The following LINGO2 variants were observed in gnomAD, a reference collection of about 807,000 sequenced individuals.
LINGO2 encodes the protein leucine rich repeat and Ig domain containing 2.
Under a neutral mutation model 30.6 loss-of-function variants are expected in LINGO2, and 14 were observed. That is an observed-to-expected ratio of 0.46 (90% CI 0.30 to 0.72). The LOEUF (loss-of-function observed/expected upper bound fraction) is 0.72. Among genes scored for constraint, LINGO2 ranks in the 30% least tolerant of loss-of-function variants. The probability of loss-of-function intolerance (pLI) is 0.07; values close to 1 mark genes in which losing one functional copy is unlikely to be tolerated. For missense variants in LINGO2, 729 were observed against 751.7 expected (o/e 0.97, Z 0.35); for synonymous variants, 317 against 288.5 (o/e 1.10, Z -1.00).
At chr9:28,747,159 A>C in the LINGO2 span, among the ~76,000 whole-genome samples, 9 of 151,882 alleles carry the variant, frequency 5.9e-5, no homozygotes, top group Admixed American at 5.9e-4. Flanking sequence ...AGGATCCAGA[A>C]GGAGAGGAGG....
the LINGO2 span, among the ~76,000 whole-genome samples, chr9:29,182,112 A>G: frequency 6.6e-6 from 1 of 152,196 alleles, no homozygotes; most frequent in African/African-American, 2.4e-5. Flanking sequence ...TGAGGTGAGT[A>G]TCATAATTTG....
At chr9:28,086,146 CT>C (rs1318257753) in intron 4 of LINGO2, among the ~76,000 whole-genome samples, 1 of 151,960 alleles carries the variant, frequency 6.6e-6, no homozygotes, top group Non-Finnish European at 1.5e-5. Flanking sequence ...CACTGAAACA[CT>C]TTTATGTCAT....
At chr9:27,964,821 C>A (rs1338046533) in intron 5 of LINGO2, among the ~76,000 whole-genome samples, 1 of 152,050 alleles carries the variant, frequency 6.6e-6, no homozygotes, top group South Asian at 2.1e-4. Flanking sequence ...AATCTCCATT[C>A]TGGCTTGTTG....
chr9:29,140,498 A>C, the LINGO2 span, among the ~76,000 whole-genome samples: 2 of 151,898 alleles, frequency 1.3e-5, no homozygotes, highest in East Asian at 1.9e-4. Context: ...AAGGAGCAAA[A>C]AGAAATAAAA....
chr9:28,846,808 A>G, the LINGO2 span, among the ~76,000 whole-genome samples: 4 of 147,938 alleles, frequency 2.7e-5, no homozygotes, highest in Non-Finnish European at 5.9e-5. Flanking sequence ...CTACAGTAAC[A>G]ATGAAAATCA....
chr9:28,955,112 G>A, the LINGO2 span, among the ~76,000 whole-genome samples: 1 of 151,912 alleles, frequency 6.6e-6, no homozygotes, highest in African/African-American at 2.4e-5. Flanking sequence ...ATAAATATAG[G>A]GAGAGAAGGA....
At chr9:29,091,598 A>C in the LINGO2 span, among the ~76,000 whole-genome samples, 23 of 152,118 alleles carry the variant, frequency 1.5e-4, no homozygotes, top group South Asian at 4.8e-3. Context: ...CCTCCTTTGC[A>C]GTTCATGAAG....
At chr9:28,913,508 T>C in the LINGO2 span, among the ~76,000 whole-genome samples, 903 of 152,222 alleles carry the variant, frequency 5.9e-3, 2 homozygotes, top group Non-Finnish European at 8.8e-3. Context: ...GGCATCTTTG[T>C]TCAAGGATTC....
chr9:28,909,673 C>T, the LINGO2 span, among the ~76,000 whole-genome samples: 1 of 152,010 alleles, frequency 6.6e-6, no homozygotes, highest in Non-Finnish European at 1.5e-5. Context: ...AGTTAATTTA[C>T]ATTCATTTCC....
the LINGO2 span, among the ~76,000 whole-genome samples, chr9:29,071,064 ATAT>A: frequency 6.6e-6 from 1 of 150,710 alleles, no homozygotes; most frequent in East Asian, 1.9e-4. Context: ...AGACCCATAC[ATAT>A]TATATCTAAA....
chr9:29,123,959 A>G, the LINGO2 span, among the ~76,000 whole-genome samples: 8 of 151,848 alleles, frequency 5.3e-5, no homozygotes, highest in Non-Finnish European at 8.8e-5. Context: ...ACAAAAAGGC[A>G]TATTAGCTAA....
intron 1 of LINGO2, among the ~76,000 whole-genome samples, chr9:28,559,912 T>TA (rs1822951195): frequency 6.6e-6 from 1 of 151,876 alleles, no homozygotes; most frequent in Non-Finnish European, 1.5e-5. Flanking sequence ...TTCACCAGCT[T>TA]AAAAATACTA....
chr9:28,242,042 C>A (rs956405827), intron 4 of LINGO2, among the ~76,000 whole-genome samples: 23 of 152,046 alleles, frequency 1.5e-4, no homozygotes, highest in Admixed American at 3.9e-4. Flanking sequence ...ATGCTTGAAA[C>A]CCAAAAGGCC....
intron 5 of LINGO2, among the ~76,000 whole-genome samples, chr9:27,955,913 T>G (rs1819538330): frequency 6.7e-6 from 1 of 148,396 alleles, no homozygotes; most frequent in Non-Finnish European, 1.5e-5. Flanking sequence ...GTGTTCCATA[T>G]CCCCTTCGAC....
chr9:28,767,474 A>C, the LINGO2 span, among the ~76,000 whole-genome samples: 1 of 152,092 alleles, frequency 6.6e-6, no homozygotes, highest in Admixed American at 6.6e-5. Context: ...ATAATAGTTT[A>C]GTCTTGCCCA....
At chr9:28,237,123 G>GA (rs143958372) in intron 4 of LINGO2, among the ~76,000 whole-genome samples, 1 of 141,064 alleles carries the variant, frequency 7.1e-6, no homozygotes, top group Non-Finnish European at 1.5e-5. Flanking sequence ...AGTGCGGGGG[G>GA]GGGGTAAAGT....
the LINGO2 span, among the ~76,000 whole-genome samples, chr9:28,792,804 T>A: frequency 6.6e-6 from 1 of 152,144 alleles, no homozygotes; most frequent in African/African-American, 2.4e-5. Flanking sequence ...ACAAGTGACA[T>A]TTTCTCCAAT....
the LINGO2 span, among the ~76,000 whole-genome samples, chr9:28,985,125 T>C: frequency 6.0e-4 from 91 of 152,288 alleles, no homozygotes; most frequent in Non-Finnish European, 1.2e-3. Flanking sequence ...AGTATTTGTC[T>C]TTCTGTGCCT....
intron 3 of LINGO2, among the ~76,000 whole-genome samples, chr9:28,338,917 A>C (rs1357229583): frequency 6.6e-6 from 1 of 151,998 alleles, no homozygotes; most frequent in Non-Finnish European, 1.5e-5. Context: ...TCATCCACTA[A>C]CATACAAAGC....
Sources: allele counts gnomAD v4.1 joint callset (sites outside exome capture counted in the v4.1 genomes callset), GRCh38; gene constraint gnomAD v4.1.1; transcripts MANE v1.5; gene names NCBI Gene and HGNC (gene_info 2026-07-23, HGNC 2026-07-21).